The following CTXND2 variants were observed in gnomAD, a reference collection of about 807,000 sequenced individuals.
The protein encoded by CTXND2 is cortexin domain containing 2.
intron 1 of CTXND2, among the ~76,000 whole-genome samples, chr1:150,895,424 A>G (rs1668903556): frequency 6.6e-6 from 1 of 151,580 alleles, no homozygotes; most frequent in Admixed American, 6.6e-5. Flanking sequence ...GCTCACTGCA[A>G]CCTCCACCTC....
At chr1:150,911,012 G>A (rs1351654456) in intron 1 of CTXND2, among the ~76,000 whole-genome samples, 4 of 151,930 alleles carry the variant, frequency 2.6e-5, no homozygotes, top group Non-Finnish European at 5.9e-5. Context: ...TACCGTGTTA[G>A]CCAGGATGGT....
intron 1 of CTXND2, among the ~76,000 whole-genome samples, chr1:150,904,475 T>A (rs1323349800): frequency 6.6e-6 from 1 of 152,222 alleles, no homozygotes; most frequent in Non-Finnish European, 1.5e-5. Flanking sequence ...TTGTTAGTAA[T>A]GTTAAACTTT....
At chr1:150,892,900 A>C (rs587637922) in intron 1 of CTXND2, among the ~76,000 whole-genome samples, 1 of 152,242 alleles carries the variant, frequency 6.6e-6, no homozygotes, top group Non-Finnish European at 1.5e-5. Context: ...TTGATTTGTC[A>C]GTTTTCTCAA....
chr1:150,898,927 AAAAAATAT>A (rs1202427229), intron 1 of CTXND2, among the ~76,000 whole-genome samples: 10 of 140,748 alleles, frequency 7.1e-5, no homozygotes, highest in Non-Finnish European at 1.5e-4. Context: ...AATACAAAAA[AAAAAATAT>A]ATATATATAT....
At chr1:150,908,011 CT>C (rs745450518) in intron 1 of CTXND2, among the ~76,000 whole-genome samples, 1,800 of 120,266 alleles carry the variant, frequency 0.015, 23 homozygotes, top group African/African-American at 0.042. Flanking sequence ...GCCCAGCCAG[CT>C]TTTTTTTTTT....
chr1:150,888,304 C>G (rs1668802524), intron 1 of CTXND2, among the ~76,000 whole-genome samples: 1 of 151,296 alleles, frequency 6.6e-6, no homozygotes, highest in Non-Finnish European at 1.5e-5. Flanking sequence ...ACCTCTGCCT[C>G]CCAGGTTCAA....
chr1:150,888,896 G>C (rs587713376), intron 1 of CTXND2, among the ~76,000 whole-genome samples: 1 of 151,730 alleles, frequency 6.6e-6, no homozygotes, highest in South Asian at 2.1e-4. Context: ...TAGAGATGGG[G>C]TCTTGCTATG....
At chr1:150,899,462 A>C (rs934335591) in intron 1 of CTXND2, among the ~76,000 whole-genome samples, 5 of 152,180 alleles carry the variant, frequency 3.3e-5, no homozygotes, top group African/African-American at 1.2e-4. Context: ...AAATTTAAAA[A>C]TTCCAAATAG....
At chr1:150,899,097 C>CAAATAAATAAAT (rs71090107) in intron 1 of CTXND2, among the ~76,000 whole-genome samples, 3 of 119,816 alleles carry the variant, frequency 2.5e-5, no homozygotes, top group Non-Finnish European at 5.0e-5. Flanking sequence ...GACTCCGTCT[C>CAAATAAATAAAT]AAATAAATAA....
At chr1:150,888,479 A>G (rs1224218029) in intron 1 of CTXND2, among the ~76,000 whole-genome samples, 1 of 151,594 alleles carries the variant, frequency 6.6e-6, no homozygotes, top group Non-Finnish European at 1.5e-5. Flanking sequence ...CGGCCTCCCA[A>G]AGTGTTGGGA....
chr1:150,905,062 CCACACACACACACACACA>C lies in CTXND2; in HGVS notation c.-73-7155_-73-7138del, dbSNP rs58415621. On this transcript the variant is annotated intron_variant, in intron 1 of 1. Coordinates refer to ENST00000636087, the Ensembl canonical transcript of CTXND2. ...TAAGACAAGATAATCAAAAAGAAAA[CCACACACACACACACACA>C]CACACACACACACACACACACACAA... is the stretch of plus-strand genomic sequence containing the variant. 1.1e-4 allele frequency among the ~76,000 whole-genome samples: 15 copies of C among 130,766 alleles called. 1 individual carries two copies. The highest frequency in any genetic ancestry group is 7.5e-4 in the South Asian group (3 of 3,994). 85.8% of individuals were successfully genotyped at this position (130,766 alleles called of 152,430 possible).
intron 1 of CTXND2, among the ~76,000 whole-genome samples, chr1:150,897,174 G>C (rs1162287859): frequency 6.6e-6 from 1 of 152,168 alleles, no homozygotes; most frequent in Non-Finnish European, 1.5e-5. Context: ...TCAGATGACT[G>C]ATCAATTTGC....
At chr1:150,900,086 G>C (rs895063272) in intron 1 of CTXND2, among the ~76,000 whole-genome samples, 1 of 152,140 alleles carries the variant, frequency 6.6e-6, no homozygotes, top group Non-Finnish European at 1.5e-5. Context: ...GCCAGCAGCA[G>C]CAACCCGTTC....
chr1:150,908,741 G>A (rs1184719050), intron 1 of CTXND2, among the ~76,000 whole-genome samples: 2 of 151,134 alleles, frequency 1.3e-5, no homozygotes, highest in African/African-American at 2.4e-5. Context: ...TTCTGCCTCA[G>A]CCTCTCCAGT....
intron 1 of CTXND2, among the ~76,000 whole-genome samples, chr1:150,889,621 C>T (rs74127060): frequency 0.072 from 10,907 of 151,864 alleles, 1,357 homozygotes; most frequent in African/African-American, 0.25. Context: ...CCTTGTTTCC[C>T]CTTGTTGAGA....
chr1:150,911,203 C>G (rs891654619), intron 1 of CTXND2, among the ~76,000 whole-genome samples: 17 of 152,062 alleles, frequency 1.1e-4, no homozygotes, highest in African/African-American at 3.6e-4. Context: ...CTGCCTCGGC[C>G]TCCCAAAGTG....
At chr1:150,903,339 C>T (rs989494279) in intron 1 of CTXND2, among the ~76,000 whole-genome samples, 2 of 152,122 alleles carry the variant, frequency 1.3e-5, no homozygotes, top group Admixed American at 6.6e-5. Context: ...CTTCCCACCC[C>T]TGCAGTCCTC....
At chr1:150,911,470 CTG>C (rs1449075408) in intron 1 of CTXND2, among the ~76,000 whole-genome samples, 1 of 149,940 alleles carries the variant, frequency 6.7e-6, no homozygotes, top group Non-Finnish European at 1.5e-5. Context: ...GGGTCTCGCT[CTG>C]TTGCGCAGGC....
chr1:150,906,993 C>T (rs1393894223), intron 1 of CTXND2, among the ~76,000 whole-genome samples: 1 of 152,082 alleles, frequency 6.6e-6, no homozygotes, highest in Non-Finnish European at 1.5e-5. Flanking sequence ...GACCAGGTCA[C>T]CTACTCACAG....
Sources: allele counts gnomAD v4.1 joint callset (sites outside exome capture counted in the v4.1 genomes callset), GRCh38; gene constraint gnomAD v4.1.1; transcripts MANE v1.5; gene names NCBI Gene and HGNC (gene_info 2026-07-23, HGNC 2026-07-21).